Variants in RASEF observed in about 807,000 individuals in gnomAD.
RASEF encodes RAS and EF-hand domain containing.
RASEF carries 68 observed loss-of-function variants against 90.1 expected under a neutral mutation model. That is an observed-to-expected ratio of 0.75 (90% CI 0.62 to 0.92). The LOEUF is 0.92. RASEF is among the 40% of genes least tolerant of loss of function. The pLI, the probability that RASEF is intolerant of heterozygous loss-of-function variation, is 0.00. For synonymous variants in RASEF, 331 were observed against 345.2 expected (o/e 0.96, Z 0.46); for missense variants, 949 against 937.2 (o/e 1.01, Z -0.16).
At chr9:83,200,044 G>A in the RASEF span, among the ~76,000 whole-genome samples, 1 of 152,190 alleles carries the variant, frequency 6.6e-6, no homozygotes, top group African/African-American at 2.4e-5. Flanking sequence ...ACGATGACAT[G>A]TGTGAATTTG....
At chr9:83,128,025 C>CTTTTTTTTTTT in the RASEF span, among the ~76,000 whole-genome samples, 2 of 134,722 alleles carry the variant, frequency 1.5e-5, no homozygotes, top group Admixed American at 7.6e-5. Context: ...TTTTTCTTTT[C>CTTTTTTTTTTT]TTTTTTTTTT....
rs1200633103 is a variant in RASEF at position 82,997,002 on chromosome 9, G to A, written c.1920+10C>T. The A allele has an allele frequency of 6.8e-7, 1 of 1,470,934 alleles. No individual in the cohort carries two copies. The highest frequency in any genetic ancestry group is 1.1e-5 in the South Asian group (1 of 87,840). The allele number at this position is 1,470,934 out of a possible 1,614,324, so 91.1% of individuals were successfully genotyped here. A position where few individuals can be genotyped will look rare whatever the true frequency, so the allele number is the denominator to read the frequency against. ...GTGTAATTTTCTGTTTCTCCATTAT[G>A]ATTTCTTACCTCAATCATATCTACC... is the stretch of plus-strand genomic sequence containing the variant. On this transcript the variant is annotated intron_variant, in intron 14 of 16. Transcript: ENST00000376447.
chr9:83,211,099 C>G, the RASEF span, among the ~76,000 whole-genome samples: 4 of 152,202 alleles, frequency 2.6e-5, no homozygotes, highest in African/African-American at 7.2e-5. Context: ...CAGTAATGTC[C>G]TTTCTAGCAA....
At chr9:83,014,432 C>T (rs1829305542) in intron 4 of RASEF, among the ~76,000 whole-genome samples, 1 of 152,078 alleles carries the variant, frequency 6.6e-6, no homozygotes, top group Admixed American at 6.5e-5. Context: ...TCCTGAGTCA[C>T]TGGGACTACA....
rs1829332881 is a variant in RASEF at position 83,015,808 on chromosome 9, T to C, written c.762A>G (p.Arg254=). The C allele has an allele frequency of 6.2e-7, 1 of 1,612,056 alleles. No individual in the cohort carries two copies. The highest frequency in any genetic ancestry group is 1.7e-5 in the Admixed American group (1 of 60,006). Residue 254 remains arginine, a synonymous_variant, in exon 4 of 17, where the codon AGA becomes AGG. Transcript: ENST00000376447. ...GDLQVTIKKL[R]KLEEQSKRVS... ...AGTCCAGCTGCCACATGCCTACCTTTCTTAGCTTTTTAATGGTCACCTGCA... is the reference window on the plus strand; with the variant it reads ...AGTCCAGCTGCCACATGCCTACCTTCCTTAGCTTTTTAATGGTCACCTGCA...
the RASEF span, among the ~76,000 whole-genome samples, chr9:83,141,157 A>AAG: frequency 4.0e-5 from 6 of 151,840 alleles, no homozygotes; most frequent in Non-Finnish European, 7.4e-5. Flanking sequence ...AAAAAAAAAA[A>AAG]AAGGTAATTA....
At chr9:83,206,268 T>C in the RASEF span, among the ~76,000 whole-genome samples, 6 of 152,234 alleles carry the variant, frequency 3.9e-5, no homozygotes, top group Non-Finnish European at 8.8e-5. Flanking sequence ...ATATTCCTAA[T>C]CTGGGTTTAT....
intron 12 of RASEF, among the ~76,000 whole-genome samples, chr9:82,998,856 G>A (rs1828971788): frequency 6.6e-6 from 1 of 152,004 alleles, no homozygotes. Context: ...TTGTGTATAT[G>A]CATGTATGTA....
At chr9:83,156,202 TTA>T in the RASEF span, among the ~76,000 whole-genome samples, 1 of 152,226 alleles carries the variant, frequency 6.6e-6, no homozygotes, top group Non-Finnish European at 1.5e-5. Flanking sequence ...CTCTCTGATC[TTA>T]TATTGACCTG....
rs149786197 is a variant in RASEF, at chr9:83,000,244, C to T, written c.1648G>A (p.Ala550Thr). 6.6e-3 allele frequency: 10,703 copies of T among 1,613,924 alleles called. 80 individuals are homozygous for T. The highest frequency in any genetic ancestry group is 7.1e-3 in the Non-Finnish European group (8,401 of 1,179,878). ...KAYKIVLAGD[A>T]AVGKSSFLMR... is the part of the protein sequence containing the mutation. ...AGGAAACTAGACTTCCCCACTGCAGCGTCCCCAGCAAGTACAATCTTGTAA... is the reference window on the plus strand; with the variant it reads ...AGGAAACTAGACTTCCCCACTGCAGTGTCCCCAGCAAGTACAATCTTGTAA... Residue 550 changes from alanine (A) to threonine (T), a missense_variant, in exon 12 of 17, where the codon GCT becomes ACT. Transcript: ENST00000376447.
At chr9:83,036,011 T>C (rs189286429) in intron 1 of RASEF, among the ~76,000 whole-genome samples, 1 of 152,312 alleles carries the variant, frequency 6.6e-6, no homozygotes, top group African/African-American at 2.4e-5. Flanking sequence ...CAATCCAGGG[T>C]GAATTTGTTG....
chr9:83,006,865 G>A (rs569726885), intron 7 of RASEF, among the ~76,000 whole-genome samples: 2 of 152,186 alleles, frequency 1.3e-5, no homozygotes, highest in African/African-American at 4.8e-5. Flanking sequence ...AGGCCGAGGC[G>A]GGAGGATCAC....
At chr9:83,101,945 CTGT>C in the RASEF span, among the ~76,000 whole-genome samples, 2 of 152,170 alleles carry the variant, frequency 1.3e-5, no homozygotes, top group Non-Finnish European at 2.9e-5. Context: ...TATATTTTCT[CTGT>C]AAGGCGCATC....
chr9:83,005,611 T>C (rs1342914913), intron 7 of RASEF, 111 bp from the exon 8 acceptor site: 3 of 798,370 alleles, frequency 3.8e-6, no homozygotes, highest in Non-Finnish European at 6.4e-6. Flanking sequence ...TAGCTTATCA[T>C]CTTCTGCAAC....
chr9:82,982,815 GA>G, intron 16 of RASEF, 33 bp from the exon 17 acceptor site: 6 of 1,080,242 alleles, frequency 5.6e-6, no homozygotes, highest in Non-Finnish European at 8.4e-6. Context: ...CAGAGAGAGA[GA>G]GAGAGAGAGA....
At chr9:83,168,466 T>G in the RASEF span, among the ~76,000 whole-genome samples, 1 of 152,092 alleles carries the variant, frequency 6.6e-6, no homozygotes, top group African/African-American at 2.4e-5. Context: ...AATTGGGATA[T>G]CCATCACCTC....
chr9:83,017,360 T>C (rs1356419383), intron 3 of RASEF, among the ~76,000 whole-genome samples: 2 of 135,162 alleles, frequency 1.5e-5, no homozygotes, highest in African/African-American at 5.5e-5. Flanking sequence ...ATTAGCCGGG[T>C]GTGGTGGCAG....
chr9:83,041,145 G>A (rs935422114), intron 1 of RASEF, among the ~76,000 whole-genome samples: 15 of 152,290 alleles, frequency 9.8e-5, no homozygotes, highest in African/African-American at 2.9e-4. Context: ...ACAGGCATGC[G>A]CCACCGTGCC....
Position 83,009,695 on chromosome 9 carries a change from C to T in RASEF, c.905G>A (p.Ser302Asn), listed in dbSNP as rs1829203473. The T allele has an allele frequency of 6.2e-7, 1 of 1,613,648 alleles. No homozygotes were observed. The highest frequency in any genetic ancestry group is 8.5e-7 in the Non-Finnish European group (1 of 1,179,718). ...EAQTNIAFLQ[S>N]ELDALKSDYA... The stretch of plus-strand genomic sequence containing the variant: ...ATCACTTTTCAAAGCATCTAACTCA[C>T]TCTGAAGAAAGGCTATGTTTGTCTG... Residue 302 changes from serine to asparagine, a missense_variant, in exon 6 of 17, where the codon AGT becomes AAT. Physicochemically the swap from Ser to Asn is conservative, Grantham distance 46 (BLOSUM62 1). Around this residue, in one of 3 missense-constraint regions of RASEF, gnomAD observed 656 missense variants for 592.2 expected, o/e 1.11. Coordinates refer to ENST00000376447, the MANE Select transcript of RASEF (RefSeq NM_152573.4).
Sources: gnomAD v4.1 joint callset for allele counts (sites outside exome capture counted in the v4.1 genomes callset) on GRCh38, gnomAD v4.1.1 for gene constraint, gnomAD v4.1.1 regional missense constraint, MANE v1.5 for transcripts, NCBI Gene and HGNC (gene_info 2026-07-23, HGNC 2026-07-21) for gene names.